PLAG1: variants seen among roughly 807,000 people sequenced by gnomAD.
The protein encoded by PLAG1 is PLAG1 zinc finger.
A neutral mutation model predicts 35.5 loss-of-function variants in PLAG1; 7 were observed. The observed-to-expected ratio is 0.20, with a 90% confidence interval of 0.11 to 0.37. PLAG1 has a LOEUF of 0.37. Ranked by LOEUF, PLAG1 falls within the 10% of genes least tolerant of loss-of-function variation. The probability of loss-of-function intolerance (pLI) is 1.00; values close to 1 mark genes in which losing one functional copy is unlikely to be tolerated. For synonymous variants in PLAG1, 229 were observed against 225.4 expected (o/e 1.02, Z -0.14); for missense variants, 454 against 602.8 (o/e 0.75, Z 2.58).
chr8:56,168,403 G>C lies in PLAG1; in HGVS notation c.-117-17C>G. 2 of 1,216,894 alleles carry C rather than the reference G, an allele frequency of 1.6e-6. No individual in the cohort carries two copies. The highest frequency in any genetic ancestry group is 2.6e-5 in the South Asian group (1 of 38,250). The allele number at this position is 1,216,894 out of a possible 1,614,324, so 75.4% of individuals were successfully genotyped here. A position where few individuals can be genotyped will look rare whatever the true frequency, so the allele number is the denominator to read the frequency against. On this transcript the variant is annotated splice_polypyrimidine_tract_variant and intron_variant, in intron 3 of 4. Transcript: ENST00000316981. ...AAAAAGGGACTGGAAAAAAAAATAA[G>C]AAACAACTAGTTTGTAACTAAACTC...
intron 1 of PLAG1, among the ~76,000 whole-genome samples, chr8:56,189,537 C>A (rs939545773): frequency 6.6e-6 from 1 of 152,160 alleles, no homozygotes; most frequent in Non-Finnish European, 1.5e-5. Context: ...AAAGATTAAT[C>A]AGTCACCAGT....
chr8:56,196,683 C>T (rs949363875), intron 1 of PLAG1, among the ~76,000 whole-genome samples: 3 of 152,112 alleles, frequency 2.0e-5, no homozygotes, highest in African/African-American at 7.2e-5. Context: ...CTTGACCCCG[C>T]GTGTCTCCTG....
At chr8:56,195,957 C>A (rs1009627719) in intron 1 of PLAG1, among the ~76,000 whole-genome samples, 4 of 152,164 alleles carry the variant, frequency 2.6e-5, no homozygotes, top group South Asian at 2.1e-4. Context: ...CAGACCTAGT[C>A]TCGCGGGTGT....
intron 1 of PLAG1, among the ~76,000 whole-genome samples, chr8:56,199,282 T>A (rs1812478159): frequency 6.6e-6 from 1 of 152,122 alleles, no homozygotes; most frequent in Non-Finnish European, 1.5e-5. Context: ...GCCAAACATG[T>A]GGAATCCTGC....
chr8:56,194,575 G>GC (rs1812296966), intron 1 of PLAG1, among the ~76,000 whole-genome samples: 1 of 151,768 alleles, frequency 6.6e-6, no homozygotes, highest in African/African-American at 2.4e-5. Flanking sequence ...ACTCAGCACT[G>GC]GGTGTGTGTG....
chr8:56,204,335 G>A (rs1453151079), intron 1 of PLAG1, among the ~76,000 whole-genome samples: 2 of 151,742 alleles, frequency 1.3e-5, no homozygotes, highest in South Asian at 2.1e-4. Context: ...TCAAGTTACC[G>A]AGAAAATCTG....
intron 1 of PLAG1, among the ~76,000 whole-genome samples, chr8:56,203,083 T>C (rs1812600314): frequency 1.3e-5 from 2 of 152,112 alleles, no homozygotes; most frequent in Non-Finnish European, 2.9e-5. Flanking sequence ...AATAATTGAA[T>C]ATATCACGAT....
intron 1 of PLAG1, among the ~76,000 whole-genome samples, chr8:56,201,971 T>TTG (rs954349899): frequency 3.3e-5 from 5 of 151,420 alleles, no homozygotes; most frequent in African/African-American, 4.8e-5. Context: ...TTTTTTTTTT[T>TTG]TTTTGTTTTT....
chr8:56,192,331 G>A (rs557062100), intron 1 of PLAG1, among the ~76,000 whole-genome samples: 14 of 152,128 alleles, frequency 9.2e-5, no homozygotes, highest in Non-Finnish European at 1.9e-4. Context: ...TCATGCATGA[G>A]GTCATTCATT....
chr8:56,196,963 T>C (rs1223746255), intron 1 of PLAG1, among the ~76,000 whole-genome samples: 1 of 147,806 alleles, frequency 6.8e-6, no homozygotes, highest in Non-Finnish European at 1.5e-5. Context: ...TGTGTGTGTG[T>C]GTGTGTGTGT....
At position 56,167,000 on chromosome 8, in the gene PLAG1, T is replaced by G. The variant is rs746509413; in HGVS notation, c.746A>C (p.Asp249Ala). ...ATTGCAGGTAAATGGGTCAAGGAAA[T>G]CCACTGGTTCTGTTTTGACCTTCAG... is the stretch of plus-strand genomic sequence containing the variant. ...ELLKVKTEPVDFLDPFTCNVS... is the reference protein window; with the variant it reads ...ELLKVKTEPVAFLDPFTCNVS... Residue 249 changes from aspartate to alanine, a missense_variant, in exon 5 of 5, where the codon GAT becomes GCT. Asp to Ala is a moderately radical substitution (Grantham distance 126). Transcript: ENST00000316981. 6.2e-7 allele frequency: 1 copy of G among 1,614,148 alleles called. No homozygotes were observed. Among genetic ancestry groups the G allele is most frequent in the South Asian group, 1.1e-5 (1 of 91,090 alleles).
intron 1 of PLAG1, among the ~76,000 whole-genome samples, chr8:56,201,960 C>CT (rs71555635): frequency 0.082 from 11,204 of 136,806 alleles, 498 homozygotes; most frequent in African/African-American, 0.12. Flanking sequence ...TTTTTGGGCT[C>CT]TTTTTTTTTT....
At chr8:56,191,719 G>A (rs1812187411) in intron 1 of PLAG1, among the ~76,000 whole-genome samples, 1 of 150,474 alleles carries the variant, frequency 6.6e-6, no homozygotes, top group Non-Finnish European at 1.5e-5. Context: ...TTTGGCAGGT[G>A]TGTTTTTCTC....
chr8:56,166,632 G>C lies in PLAG1; in HGVS notation c.1114C>G (p.Gln372Glu). 1.2e-6 allele frequency: 2 copies of C among 1,614,074 alleles called. No homozygotes were observed. Among genetic ancestry groups the C allele is most frequent in the Non-Finnish European group, 1.7e-6 (2 of 1,179,978 alleles). ...GATGATGACGATGCTTGAGAATCTT[G>C]GGATGAAGAGGGCACGCCACCTTGT... ...ELQGGVPSSSQDSQASSSSKL... is the reference protein window; with the variant it reads ...ELQGGVPSSSEDSQASSSSKL... The change falls in exon 5 of 5, where the codon CAA becomes GAA. Residue 372 changes from glutamine (Q) to glutamate (E), a missense_variant. Around this residue, in one of 4 missense-constraint regions of PLAG1, gnomAD observed 271 missense variants for 315.6 expected, o/e 0.86. Coordinates refer to ENST00000316981, the MANE Select transcript of PLAG1 (RefSeq NM_002655.3).
chr8:56,176,758 G>C (rs1408286062), intron 2 of PLAG1, among the ~76,000 whole-genome samples: 2 of 151,750 alleles, frequency 1.3e-5, no homozygotes, highest in African/African-American at 4.8e-5. Context: ...TCTGAAAACT[G>C]TATGTATCCC....
At chr8:56,177,228 C>T (rs1302679454) in intron 2 of PLAG1, among the ~76,000 whole-genome samples, 1 of 152,294 alleles carries the variant, frequency 6.6e-6, no homozygotes, top group East Asian at 1.9e-4. Flanking sequence ...AAACAGAATT[C>T]ATGGCCTGGT....
rs1411656045 is a variant in PLAG1 at position 56,161,327 on chromosome 8, T to G, written c.*4916A>C. On this transcript the variant is annotated 3_prime_UTR_variant, in exon 5 of 5. Coordinates refer to ENST00000316981, the MANE Select transcript of PLAG1 (RefSeq NM_002655.3). ...GGAATGCAGATTTTTTTCTTTTCTA[T>G]TTTGACTCAAAACTTTATCATTAGA... 1 of 211,190 alleles carries G rather than the reference T, an allele frequency of 4.7e-6. No individual in the cohort carries two copies. Among genetic ancestry groups the G allele is most frequent in the African/African-American group, 2.3e-5 (1 of 44,090 alleles). The allele number at this position is 211,190 out of a possible 1,614,324, so 13.1% of individuals were successfully genotyped here.
intron 2 of PLAG1, among the ~76,000 whole-genome samples, chr8:56,175,545 C>T (rs574753108): frequency 6.6e-6 from 1 of 152,282 alleles, no homozygotes; most frequent in African/African-American, 2.4e-5. Context: ...TCATAGTTAA[C>T]TAAAGTTAAT....
At chr8:56,210,650 T>C (rs924244115) in intron 1 of PLAG1, among the ~76,000 whole-genome samples, 2 of 152,048 alleles carry the variant, frequency 1.3e-5, no homozygotes, top group Non-Finnish European at 2.9e-5. Flanking sequence ...TGGTGGAAAA[T>C]GCGGAGAGTT....
Sources: allele counts gnomAD v4.1 joint callset (sites outside exome capture counted in the v4.1 genomes callset), GRCh38; gene constraint gnomAD v4.1.1; regional missense constraint gnomAD v4.1.1; transcripts MANE v1.5; gene names NCBI Gene and HGNC (gene_info 2026-07-23, HGNC 2026-07-21).